Variants in PAPSS2 observed in about 807,000 individuals in gnomAD.
PAPSS2 encodes bifunctional 3'-phosphoadenosine 5'-phosphosulfate synthase 2.
Under a neutral mutation model 66.5 loss-of-function variants are expected in PAPSS2, and 61 were observed. The observed-to-expected ratio is 0.92, with a 90% CI of 0.75 to 1.14. The LOEUF is 1.14. Among genes scored for constraint, PAPSS2 ranks in the 50% most tolerant of loss-of-function variants. PAPSS2 has a pLI of 0.00. For synonymous variants in PAPSS2, 289 were observed against 287.5 expected, an observed-to-expected ratio of 1.01 and a Z score of -0.05; for missense variants, 708 against 789.6, an observed-to-expected ratio of 0.90 and a Z score of 1.24.
chr10:87,689,568 A>G (rs1456707138), intron 1 of PAPSS2, among the ~76,000 whole-genome samples: 1 of 147,968 alleles, frequency 6.8e-6, no homozygotes, highest in Non-Finnish European at 1.5e-5. Flanking sequence ...TGGGAGGCTG[A>G]GGCAGGAGAA....
chr10:87,719,507 C>T (rs1245280416), intron 7 of PAPSS2, among the ~76,000 whole-genome samples: 1 of 152,180 alleles, frequency 6.6e-6, no homozygotes, highest in African/African-American at 2.4e-5. Context: ...ACCGTAGTCC[C>T]AGCTACTCAG....
intron 1 of PAPSS2, among the ~76,000 whole-genome samples, chr10:87,671,337 A>G (rs1261221561): frequency 6.6e-6 from 1 of 152,174 alleles, no homozygotes. Context: ...GCTTTTTGTA[A>G]TGTTGTGTAA....
At chr10:87,668,518 C>T (rs12264953) in intron 1 of PAPSS2, among the ~76,000 whole-genome samples, 2,485 of 152,248 alleles carry the variant, frequency 0.016, 63 homozygotes, top group African/African-American at 0.057. Context: ...ATATTATCAA[C>T]GTTCTGCCCA....
intron 1 of PAPSS2, among the ~76,000 whole-genome samples, chr10:87,685,888 T>C (rs35628516): frequency 0.4 from 60,209 of 151,852 alleles, 13,680 homozygotes; most frequent in African/African-American, 0.62. Flanking sequence ...ATTCTGCGGT[T>C]CAAATTGTGG....
At chr10:87,674,540 C>CAAT (rs1852920609) in intron 1 of PAPSS2, among the ~76,000 whole-genome samples, 1 of 152,018 alleles carries the variant, frequency 6.6e-6, no homozygotes, top group South Asian at 2.1e-4. Flanking sequence ...CAAACCACAG[C>CAAT]AATATTAGCA....
chr10:87,688,475 A>AT, intron 1 of PAPSS2, among the ~76,000 whole-genome samples: 1 of 150,662 alleles, frequency 6.6e-6, no homozygotes, highest in African/African-American at 2.4e-5. Flanking sequence ...TTATTTATTT[A>AT]TTGAGACTAA....
At chr10:87,718,337 T>C (rs533157718) in intron 7 of PAPSS2, among the ~76,000 whole-genome samples, 3 of 152,244 alleles carry the variant, frequency 2.0e-5, no homozygotes, top group South Asian at 2.1e-4. Context: ...TGCCAACCCA[T>C]TGATTTTCTA....
chr10:87,741,956 C>T (rs906244993), intron 10 of PAPSS2, among the ~76,000 whole-genome samples: 1 of 151,640 alleles, frequency 6.6e-6, no homozygotes, highest in African/African-American at 2.4e-5. Flanking sequence ...ATGGGTCTCA[C>T]TATGTTTTCC....
chr10:87,671,599 C>T (rs139427294), intron 1 of PAPSS2, among the ~76,000 whole-genome samples: 86 of 152,264 alleles, frequency 5.6e-4, no homozygotes, highest in African/African-American at 2.0e-3. Context: ...GCTGCACAGT[C>T]GAGCATTCAT....
chr10:87,727,375 A>C lies in PAPSS2; in HGVS notation c.972A>C (p.Ala324=), dbSNP rs1384208921. Residue 324 remains alanine, a synonymous_variant, in exon 9 of 13, where the codon GCA becomes GCC. Transcript: ENST00000456849. The stretch of plus-strand genomic sequence containing the variant: ...AAGGGTGCAGCAAGTTTGTCCTGGC[A>C]CATGGTGGACGGAGGGTAGCTATCT... ...RLEGCSKFVL[A]HGGRRVAILR... The C allele has an allele frequency of 1.2e-6, 2 of 1,614,092 alleles. No homozygotes were observed. The highest frequency in any genetic ancestry group is 2.2e-5 in the South Asian group (2 of 91,072).
chr10:87,694,924 A>G (rs903972968), intron 1 of PAPSS2, among the ~76,000 whole-genome samples: 3 of 152,232 alleles, frequency 2.0e-5, no homozygotes, highest in African/African-American at 7.2e-5. Flanking sequence ...GACTGTGTTC[A>G]GGAACAGGTC....
intron 1 of PAPSS2, among the ~76,000 whole-genome samples, chr10:87,685,184 C>G (rs1275119483): frequency 1.3e-5 from 2 of 152,132 alleles, no homozygotes; most frequent in African/African-American, 2.4e-5. Flanking sequence ...CAAATTAACC[C>G]CAGAGAGGAG....
At chr10:87,711,314 TAGTTA>T (rs1341678115) in intron 2 of PAPSS2, among the ~76,000 whole-genome samples, 2 of 152,254 alleles carry the variant, frequency 1.3e-5, no homozygotes, top group Non-Finnish European at 2.9e-5. Context: ...GCCTGGCACA[TAGTTA>T]AGTTGTCAGT....
intron 1 of PAPSS2, among the ~76,000 whole-genome samples, chr10:87,678,487 CA>C (rs1222932822): frequency 6.6e-6 from 1 of 152,048 alleles, no homozygotes; most frequent in Non-Finnish European, 1.5e-5. Context: ...ACAAAGGAAA[CA>C]ATCAACAGCA....
At chr10:87,717,789 C>T (rs1024075970) in intron 7 of PAPSS2, among the ~76,000 whole-genome samples, 2 of 152,070 alleles carry the variant, frequency 1.3e-5, no homozygotes, top group Non-Finnish European at 2.9e-5. Context: ...TAAGGTCTCA[C>T]AGTGTTGCCC....
intron 1 of PAPSS2, among the ~76,000 whole-genome samples, chr10:87,708,877 A>C (rs1337674464): frequency 1.3e-5 from 2 of 152,238 alleles, no homozygotes; most frequent in African/African-American, 4.8e-5. Context: ...ATGATGCTGT[A>C]ATTTAAAAAT....
At chr10:87,666,834 T>G (rs955701369) in intron 1 of PAPSS2, among the ~76,000 whole-genome samples, 1 of 152,164 alleles carries the variant, frequency 6.6e-6, no homozygotes, top group Non-Finnish European at 1.5e-5. Context: ...TACTTTGCTG[T>G]GACCATGCAG....
At chr10:87,702,147 TTTACA>T (rs1840708906) in intron 1 of PAPSS2, among the ~76,000 whole-genome samples, 1 of 152,226 alleles carries the variant, frequency 6.6e-6, no homozygotes, top group South Asian at 2.1e-4. Flanking sequence ...TTTTAAATTG[TTTACA>T]TTATAGTGTA....
chr10:87,664,741 A>G (rs561372778), intron 1 of PAPSS2, among the ~76,000 whole-genome samples: 3 of 152,306 alleles, frequency 2.0e-5, no homozygotes, highest in African/African-American at 7.2e-5. Context: ...ATCTATCACT[A>G]AATAGTAATG....
Sources: gnomAD v4.1 joint callset for allele counts (sites outside exome capture counted in the v4.1 genomes callset) on GRCh38, gnomAD v4.1.1 for gene constraint, MANE v1.5 for transcripts, NCBI Gene and HGNC (gene_info 2026-07-23, HGNC 2026-07-21) for gene names.